MARCHF1: variants seen among roughly 807,000 people sequenced by gnomAD.
The protein encoded by MARCHF1 is E3 ubiquitin-protein ligase MARCHF1.
A neutral mutation model predicts 54.2 loss-of-function variants in MARCHF1; 40 were observed. That is an observed-to-expected ratio of 0.74 (90% CI 0.57 to 0.96). The LOEUF is 0.96. Among genes scored for constraint, MARCHF1 ranks in the 40% least tolerant of loss-of-function variants. MARCHF1 has a pLI of 0.00. For missense variants in MARCHF1, 586 were observed against 656.5 expected (o/e 0.89, Z 1.17); for synonymous variants, 236 against 236.3 (o/e 1.00, Z 0.01).
intron 4 of MARCHF1, among the ~76,000 whole-genome samples, chr4:163,779,503 A>G (rs1747402278): frequency 6.6e-6 from 1 of 152,196 alleles, no homozygotes; most frequent in African/African-American, 2.4e-5. Context: ...CAAGTTTGCT[A>G]CTTCTTATAG....
intron 4 of MARCHF1, among the ~76,000 whole-genome samples, chr4:163,755,227 T>A (rs1297463593): frequency 1.3e-5 from 2 of 152,182 alleles, no homozygotes; most frequent in Admixed American, 1.3e-4. Context: ...ACCGTTTAGA[T>A]GTATTCTAAA....
intron 2 of MARCHF1, among the ~76,000 whole-genome samples, chr4:164,044,424 TA>T (rs1754196716): frequency 6.6e-6 from 1 of 152,012 alleles, no homozygotes; most frequent in African/African-American, 2.4e-5. Context: ...CACAAACTTT[TA>T]AACAACCATA....
At chr4:164,106,081 A>G (rs1755690246) in intron 2 of MARCHF1, among the ~76,000 whole-genome samples, 1 of 151,558 alleles carries the variant, frequency 6.6e-6, no homozygotes. Flanking sequence ...ATCTCACACC[A>G]GTTAGAATGG....
chr4:163,987,640 G>A (rs935241496), intron 3 of MARCHF1, among the ~76,000 whole-genome samples: 1 of 152,302 alleles, frequency 6.6e-6, no homozygotes, highest in South Asian at 2.1e-4. Context: ...GACACCTGAG[G>A]ACTAGAAAAT....
At chr4:163,946,301 A>G (rs1752024720) in intron 3 of MARCHF1, among the ~76,000 whole-genome samples, 1 of 152,086 alleles carries the variant, frequency 6.6e-6, no homozygotes, top group Admixed American at 6.5e-5. Flanking sequence ...ATATCCTTGT[A>G]TTATCAAGCC....
chr4:163,992,803 A>T (rs534129353), intron 2 of MARCHF1, among the ~76,000 whole-genome samples: 1 of 149,726 alleles, frequency 6.7e-6, no homozygotes, highest in Non-Finnish European at 1.5e-5. Flanking sequence ...ATTTATATTT[A>T]TAAAATTATA....
intron 4 of MARCHF1, among the ~76,000 whole-genome samples, chr4:163,801,318 G>T (rs938543148): frequency 6.6e-6 from 1 of 151,482 alleles, no homozygotes; most frequent in Admixed American, 6.6e-5. Flanking sequence ...CCACAGTAGG[G>T]TCTCATTAAA....
chr4:163,737,199 TA>T (rs1746066294), intron 4 of MARCHF1, among the ~76,000 whole-genome samples: 2 of 58,636 alleles, frequency 3.4e-5, no homozygotes, highest in African/African-American at 8.2e-5. Context: ...TTAGTTTATT[TA>T]TTTATTTTTT....
At chr4:163,657,779 T>G (rs1257070462) in intron 5 of MARCHF1, among the ~76,000 whole-genome samples, 2 of 152,098 alleles carry the variant, frequency 1.3e-5, no homozygotes, top group Non-Finnish European at 2.9e-5. Context: ...CATCTGATTT[T>G]CAACAAACCT....
intron 4 of MARCHF1, among the ~76,000 whole-genome samples, chr4:163,833,486 A>T (rs373176277): frequency 0.014 from 2,123 of 151,966 alleles, 44 homozygotes; most frequent in African/African-American, 0.045. Context: ...AGGGCTAATA[A>T]CCAGAATCTA....
At chr4:163,890,471 C>T (rs992637534) in intron 3 of MARCHF1, among the ~76,000 whole-genome samples, 1 of 151,956 alleles carries the variant, frequency 6.6e-6, no homozygotes, top group African/African-American at 2.4e-5. Flanking sequence ...CAGATCAAAC[C>T]TTCATTCTTG....
intron 1 of MARCHF1, among the ~76,000 whole-genome samples, chr4:164,269,787 T>G (rs1733697810): frequency 6.6e-6 from 1 of 152,148 alleles, no homozygotes; most frequent in Non-Finnish European, 1.5e-5. Context: ...GGAGGGGGGT[T>G]TATCGTACTG....
chr4:164,115,783 G>T (rs1579547714), intron 1 of MARCHF1, among the ~76,000 whole-genome samples: 1 of 151,954 alleles, frequency 6.6e-6, no homozygotes, highest in African/African-American at 2.4e-5. Context: ...TCCAGGAGAT[G>T]AAACAATAAG....
intron 3 of MARCHF1, among the ~76,000 whole-genome samples, chr4:163,975,974 A>G (rs778495917): frequency 3.3e-5 from 5 of 152,178 alleles, no homozygotes; most frequent in African/African-American, 4.8e-5. Context: ...TTTGAGCACA[A>G]AGCAATATTA....
At chr4:164,381,098 A>G (rs1431517247) in intron 1 of MARCHF1, among the ~76,000 whole-genome samples, 1 of 152,174 alleles carries the variant, frequency 6.6e-6, no homozygotes, top group Non-Finnish European at 1.5e-5. Flanking sequence ...CAGTGTCCTG[A>G]CATCATGTTT....
At chr4:163,733,967 T>C (rs1293944436) in intron 4 of MARCHF1, among the ~76,000 whole-genome samples, 2 of 151,972 alleles carry the variant, frequency 1.3e-5, no homozygotes, top group East Asian at 3.9e-4. Context: ...AATAAGAGAA[T>C]AAACAACTCA....
intron 1 of MARCHF1, among the ~76,000 whole-genome samples, chr4:164,169,713 T>C (rs1730473459): frequency 6.6e-6 from 1 of 152,096 alleles, no homozygotes; most frequent in Non-Finnish European, 1.5e-5. Context: ...TTTTAAATCA[T>C]TTAAAGTTGA....
intron 5 of MARCHF1, among the ~76,000 whole-genome samples, chr4:163,643,540 TA>T (rs1024623932): frequency 2.6e-5 from 4 of 152,050 alleles, no homozygotes; most frequent in African/African-American, 4.8e-5. Context: ...ATTTTGTTCT[TA>T]AAAATATTAA....
intron 2 of MARCHF1, among the ~76,000 whole-genome samples, chr4:164,053,342 A>T (rs1008717254): frequency 6.6e-6 from 1 of 152,124 alleles, no homozygotes; most frequent in African/African-American, 2.4e-5. Context: ...ATATGTGTCA[A>T]CCCCAAACAT....
Sources: allele counts gnomAD v4.1 joint callset (sites outside exome capture counted in the v4.1 genomes callset), GRCh38; gene constraint gnomAD v4.1.1; transcripts MANE v1.5; gene names NCBI Gene and HGNC (gene_info 2026-07-23, HGNC 2026-07-21).